The following LEKR1 variants were observed in gnomAD, a reference collection of about 807,000 sequenced individuals.
The protein encoded by LEKR1 is protein LEKR1.
In LEKR1, 59 loss-of-function variants were observed where a neutral mutation model predicts 72.4. That is an observed-to-expected ratio of 0.82 (90% CI 0.66 to 1.01). The LOEUF (loss-of-function observed/expected upper bound fraction) is 1.01. Ranked by LOEUF, LEKR1 falls within the 50% of genes least tolerant of loss-of-function variation. The probability of loss-of-function intolerance (pLI) is 0.00; values close to 1 mark genes in which losing one functional copy is unlikely to be tolerated. For missense variants in LEKR1, 728 were observed against 759.2 expected (o/e 0.96, Z 0.48); for synonymous variants, 257 against 263.2 (o/e 0.98, Z 0.23).
chr3:157,022,848 C>CAGT (rs1232108188), intron 10 of LEKR1, among the ~76,000 whole-genome samples: 1 of 152,158 alleles, frequency 6.6e-6, no homozygotes, highest in Non-Finnish European at 1.5e-5. Flanking sequence ...AATAAATCAT[C>CAGT]AGTAGCCTAT....
At chr3:156,897,163 T>C (rs912929083) in intron 3 of LEKR1, among the ~76,000 whole-genome samples, 3 of 152,172 alleles carry the variant, frequency 2.0e-5, no homozygotes, top group Admixed American at 6.5e-5. Flanking sequence ...AATTAACCCA[T>C]ATAACAAACC....
At chr3:157,021,622 T>C (rs994480087) in intron 10 of LEKR1, among the ~76,000 whole-genome samples, 7 of 152,302 alleles carry the variant, frequency 4.6e-5, no homozygotes, top group African/African-American at 1.4e-4. Flanking sequence ...TGTCTTAATT[T>C]GAGCAATCAA....
rs183746611 is a variant in LEKR1, at chr3:156,995,722, C to T, written c.1109+2445C>T. On this transcript the variant is annotated intron_variant, in intron 9 of 12. Coordinates refer to ENST00000356539, the MANE Select transcript of LEKR1 (RefSeq NM_001004316.3). ...GGGCTCATGCCTATAATCCCAGCTA[C>T]TCAGGAGGCTGAGGCACAAGAATCA... 6.1e-3 allele frequency among the ~76,000 whole-genome samples: 923 copies of T among 152,282 alleles called. 6 individuals carry two copies. The highest frequency in any genetic ancestry group is 0.015 in the Admixed American group (236 of 15,292).
At chr3:156,871,388 G>T (rs1160137663) in intron 3 of LEKR1, among the ~76,000 whole-genome samples, 1 of 152,104 alleles carries the variant, frequency 6.6e-6, no homozygotes, top group East Asian at 1.9e-4. Flanking sequence ...CCAAGTCTTT[G>T]CTATTCTGAA....
intron 6 of LEKR1, among the ~76,000 whole-genome samples, chr3:156,952,216 G>A (rs1263733231): frequency 6.6e-6 from 1 of 151,402 alleles, no homozygotes; most frequent in African/African-American, 2.4e-5. Context: ...AGCTGCTGAT[G>A]GGATGGCCCC....
intron 2 of LEKR1, among the ~76,000 whole-genome samples, chr3:156,829,883 G>A (rs951697911): frequency 6.6e-6 from 1 of 152,002 alleles, no homozygotes; most frequent in Non-Finnish European, 1.5e-5. Context: ...ACTCACAGGC[G>A]AACCAAGTAG....
intron 2 of LEKR1, among the ~76,000 whole-genome samples, chr3:156,831,594 A>T (rs1467932260): frequency 6.6e-6 from 1 of 152,226 alleles, no homozygotes; most frequent in African/African-American, 2.4e-5. Context: ...GGGAGGCCTC[A>T]CAATCATGGC....
intron 6 of LEKR1, among the ~76,000 whole-genome samples, chr3:156,972,163 A>T (rs971257461): frequency 6.6e-6 from 1 of 152,210 alleles, no homozygotes; most frequent in African/African-American, 2.4e-5. Context: ...ATGCAGCCAT[A>T]AAAAAGGATG....
At chr3:156,950,330 G>T (rs1727040588) in intron 6 of LEKR1, among the ~76,000 whole-genome samples, 1 of 151,304 alleles carries the variant, frequency 6.6e-6, no homozygotes, top group South Asian at 2.1e-4. Flanking sequence ...GCTCTTTTTT[G>T]ATTCCATATG....
chr3:157,043,030 T>C (rs1417741306), intron 12 of LEKR1, among the ~76,000 whole-genome samples: 4 of 152,142 alleles, frequency 2.6e-5, no homozygotes, highest in Non-Finnish European at 4.4e-5. Context: ...GTTGGTGCTG[T>C]TCTTGTGATA....
At chr3:156,877,201 T>A (rs1345606315) in intron 3 of LEKR1, among the ~76,000 whole-genome samples, 2 of 152,226 alleles carry the variant, frequency 1.3e-5, no homozygotes, top group African/African-American at 4.8e-5. Context: ...TGATATTCAG[T>A]TGGATTTGAT....
Position 156,923,409 on chromosome 3 carries a change from C to T in LEKR1, c.383+2715C>T, listed in dbSNP as rs569340408. ...TAGATTTATACTTTTCTCGACATTT[C>T]AGATATATGGAATCATACAATATGT... On this transcript the variant is annotated intron_variant, in intron 4 of 12. Transcript: ENST00000356539. Among the ~76,000 whole-genome samples, 6 of 152,342 alleles carry T rather than the reference C, an allele frequency of 3.9e-5. No individual in the cohort carries two copies. The South Asian group carries it at 1.0e-3, about 26-fold the overall frequency.
At chr3:156,906,236 A>G (rs1297356149) in intron 3 of LEKR1, among the ~76,000 whole-genome samples, 1 of 152,174 alleles carries the variant, frequency 6.6e-6, no homozygotes, top group East Asian at 1.9e-4. Flanking sequence ...TTAATCGATA[A>G]TCCACATGAA....
At chr3:156,929,480 A>G (rs1004687073) in intron 5 of LEKR1, among the ~76,000 whole-genome samples, 6 of 152,182 alleles carry the variant, frequency 3.9e-5, no homozygotes, top group Non-Finnish European at 2.9e-5. Context: ...CCATGAAGTC[A>G]GAATGAGACA....
Position 157,045,595 on chromosome 3 carries a change from C to T in LEKR1, c.1924C>T (p.Pro642Ser), listed in dbSNP as rs201608508. 1.3e-5 allele frequency: 21 copies of T among 1,614,060 alleles called. No homozygotes were observed. The Admixed American group carries it at 1.8e-4, about 14-fold the overall frequency. The stretch of plus-strand genomic sequence containing the variant: ...TCCCAACCTGCGCGGGGTGTCAAAA[C>T]CCACCACTTTCCCAACCTCAGATAA... ...QIPNLRGVSK[P>S]TTFPTSDKPK... Residue 642 changes from proline to serine, a missense_variant, in exon 13 of 13, where the codon CCC becomes TCC. Transcript: ENST00000356539.
intron 6 of LEKR1, among the ~76,000 whole-genome samples, chr3:156,955,249 G>A (rs1361849484): frequency 6.6e-6 from 1 of 151,770 alleles, no homozygotes; most frequent in Non-Finnish European, 1.5e-5. Context: ...GAAGCTTTTG[G>A]GCTGAGACAG....
chr3:157,002,965 G>A (rs373057329), intron 9 of LEKR1, among the ~76,000 whole-genome samples: 1 of 152,142 alleles, frequency 6.6e-6, no homozygotes, highest in East Asian at 1.9e-4. Context: ...ACTTTTTATG[G>A]TATCAAAATT....
In LEKR1 at chr3:156,875,838, A is replaced by G. The variant is rs541960223; in HGVS notation, c.263+22856A>G. On this transcript the variant is annotated intron_variant, in intron 3 of 12. Transcript: ENST00000356539. Reference sequence around the variant, plus strand: ...GTGAAACCCCGTCTCTACTAAAAATACAAAAAATTAGCTGGGTAAGGTGGC... The same window carrying G: ...GTGAAACCCCGTCTCTACTAAAAATGCAAAAAATTAGCTGGGTAAGGTGGC... 6.6e-5 allele frequency among the ~76,000 whole-genome samples: 10 copies of G among 152,086 alleles called. No individual in the cohort carries two copies. The East Asian group carries it at 1.9e-3, about 29-fold the overall frequency.
At chr3:156,926,634 T>G (rs1724741233) in intron 4 of LEKR1, among the ~76,000 whole-genome samples, 1 of 152,008 alleles carries the variant, frequency 6.6e-6, no homozygotes, top group African/African-American at 2.4e-5. Context: ...CACTTCTCAC[T>G]TTTCCATTTC....
Sources: gnomAD v4.1 joint callset for allele counts (sites outside exome capture counted in the v4.1 genomes callset) on GRCh38, gnomAD v4.1.1 for gene constraint, MANE v1.5 for transcripts, NCBI Gene and HGNC (gene_info 2026-07-23, HGNC 2026-07-21) for gene names.